Variants in PIK3R3 observed in about 807,000 individuals in gnomAD.
The protein encoded by PIK3R3 is phosphoinositide-3-kinase regulatory subunit 3.
A neutral mutation model predicts 62.9 loss-of-function variants in PIK3R3; 64 were observed. The observed-to-expected ratio is 1.02, with a 90% CI of 0.83 to 1.25. The LOEUF is 1.25. PIK3R3 is among the 50% of genes most tolerant of loss of function. The pLI, the probability that PIK3R3 is intolerant of heterozygous loss-of-function variation, is 0.00. For synonymous variants in PIK3R3, 165 were observed against 189.0 expected, an observed-to-expected ratio of 0.87 and a Z score of 1.04; for missense variants, 614 against 561.6, an observed-to-expected ratio of 1.09 and a Z score of -0.94.
chr1:46,098,706 A>C (rs1652375738), intron 1 of PIK3R3, among the ~76,000 whole-genome samples: 1 of 151,962 alleles, frequency 6.6e-6, no homozygotes, highest in Non-Finnish European at 1.5e-5. Context: ...ATGGGGAATG[A>C]CTTTTTCTTT....
intron 1 of PIK3R3, among the ~76,000 whole-genome samples, chr1:46,112,568 T>G (rs1653834805): frequency 6.6e-6 from 1 of 152,198 alleles, no homozygotes; most frequent in South Asian, 2.1e-4. Flanking sequence ...GAGTTAATTT[T>G]CTTATAATTT....
the PIK3R3 span, among the ~76,000 whole-genome samples, chr1:46,164,133 G>T: frequency 2.0e-5 from 3 of 152,120 alleles, no homozygotes; most frequent in Non-Finnish European, 4.4e-5. Flanking sequence ...AGGATTACAG[G>T]ACTCCAATTA....
At chr1:46,127,391 C>T (rs1272505111) in intron 1 of PIK3R3, among the ~76,000 whole-genome samples, 1 of 148,504 alleles carries the variant, frequency 6.7e-6, no homozygotes, top group African/African-American at 2.5e-5. Flanking sequence ...AGAAGTCTGT[C>T]TTGATAAGAA....
intron 1 of PIK3R3, among the ~76,000 whole-genome samples, chr1:46,090,853 T>C (rs909826294): frequency 6.6e-6 from 1 of 152,216 alleles, no homozygotes; most frequent in Non-Finnish European, 1.5e-5. Flanking sequence ...TAGACTGAAA[T>C]CAGCCACAGT....
the PIK3R3 span, among the ~76,000 whole-genome samples, chr1:46,144,459 A>G: frequency 6.6e-6 from 1 of 152,198 alleles, no homozygotes; most frequent in Non-Finnish European, 1.5e-5. Flanking sequence ...AAATCAGGCC[A>G]ACCATTAAAT....
intron 5 of PIK3R3, 29 bp from the exon 6 acceptor site, chr1:46,062,100 G>C (rs750330811): frequency 2.8e-5 from 44 of 1,562,178 alleles, no homozygotes; most frequent in Non-Finnish European, 3.4e-5. Context: ...AAAAACACAG[G>C]CTTCATTATC....
the PIK3R3 span, among the ~76,000 whole-genome samples, chr1:46,169,561 C>T: frequency 6.6e-6 from 1 of 152,116 alleles, no homozygotes; most frequent in African/African-American, 2.4e-5. Flanking sequence ...CAAAAGACAG[C>T]AAAGGAGATT....
At chr1:46,104,229 T>C (rs896963131) in intron 1 of PIK3R3, among the ~76,000 whole-genome samples, 6 of 152,148 alleles carry the variant, frequency 3.9e-5, no homozygotes, top group Non-Finnish European at 7.4e-5. Context: ...CGCCTGGACA[T>C]GAAGTTTTTT....
At chr1:46,077,653 C>T (rs764483991) in intron 2 of PIK3R3, 40 bp from the exon 3 acceptor site, 19 of 1,295,252 alleles carry the variant, frequency 1.5e-5, no homozygotes, top group Non-Finnish European at 1.8e-5. Context: ...AAAATGTCAA[C>T]ACTGGTGGCT....
the PIK3R3 span, among the ~76,000 whole-genome samples, chr1:46,162,052 A>G: frequency 2.7e-5 from 4 of 150,306 alleles, 1 homozygote; most frequent in East Asian, 2.0e-4. Flanking sequence ...AGATCGCGCC[A>G]CCGCACTCCA....
the PIK3R3 span, among the ~76,000 whole-genome samples, chr1:46,150,050 A>T: frequency 6.6e-6 from 1 of 152,214 alleles, no homozygotes; most frequent in Non-Finnish European, 1.5e-5. Context: ...TAATGCCATT[A>T]ATCAGTAGCT....
chr1:46,087,364 AG>A (rs1327360855), intron 1 of PIK3R3, among the ~76,000 whole-genome samples: 4 of 152,078 alleles, frequency 2.6e-5, no homozygotes, highest in African/African-American at 9.7e-5. Flanking sequence ...GGGAACACCA[AG>A]CTCGCTGAGA....
At chr1:46,138,198 T>C in the PIK3R3 span, among the ~76,000 whole-genome samples, 1 of 152,250 alleles carries the variant, frequency 6.6e-6, no homozygotes, top group Non-Finnish European at 1.5e-5. Context: ...TCACTTCCTG[T>C]GGTCATTATT....
upstream of PIK3R3, chr1:46,133,001 A>G: frequency 9.3e-7 from 1 of 1,070,184 alleles, no homozygotes; most frequent in African/African-American, 1.7e-5. Flanking sequence ...GCGAGGGAAG[A>G]GAGGCAAGGT....
the PIK3R3 span, among the ~76,000 whole-genome samples, chr1:46,173,424 A>G: frequency 2.6e-5 from 4 of 152,240 alleles, no homozygotes; most frequent in Non-Finnish European, 1.5e-5. Flanking sequence ...TCCCTGGCAC[A>G]TAGCAGGCAC....
intron 5 of PIK3R3, among the ~76,000 whole-genome samples, chr1:46,062,429 G>C (rs1341269394): frequency 6.6e-6 from 1 of 152,124 alleles, no homozygotes; most frequent in Non-Finnish European, 1.5e-5. Flanking sequence ...ACAAAAATTA[G>C]CCAGGCGTGG....
chr1:46,155,187 G>A, the PIK3R3 span, among the ~76,000 whole-genome samples: 1 of 152,206 alleles, frequency 6.6e-6, no homozygotes, highest in Admixed American at 6.5e-5. Flanking sequence ...TGTGGGTGGT[G>A]CCATGCACCT....
At chr1:46,092,654 C>T (rs572644657) in intron 1 of PIK3R3, among the ~76,000 whole-genome samples, 11 of 152,268 alleles carry the variant, frequency 7.2e-5, no homozygotes, top group East Asian at 3.9e-4. Context: ...TGAGCCACCG[C>T]GCTTGGCCCT....
At chr1:46,045,773 GT>G (rs944073195) in intron 9 of PIK3R3, 144 bp downstream of exon 9, 11 of 677,938 alleles carry the variant, frequency 1.6e-5, no homozygotes, top group African/African-American at 3.8e-5. Flanking sequence ...ATAAAGCTGG[GT>G]TTTTTTGTAC....
Sources: gnomAD v4.1 joint callset for allele counts (sites outside exome capture counted in the v4.1 genomes callset) on GRCh38, gnomAD v4.1.1 for gene constraint, MANE v1.5 for transcripts, NCBI Gene and HGNC (gene_info 2026-07-23, HGNC 2026-07-21) for gene names.